Variants in RNF4 observed in about 807,000 individuals in gnomAD.
RNF4 encodes E3 ubiquitin-protein ligase RNF4.
Under a neutral mutation model 24.3 loss-of-function variants are expected in RNF4, and 7 were observed. The ratio of observed to expected loss-of-function variants is 0.29; its 90% CI spans 0.16 to 0.54. The LOEUF (loss-of-function observed/expected upper bound fraction) is 0.54. RNF4 is among the 20% of genes least tolerant of loss of function. The pLI is 0.95. For synonymous variants in RNF4, 83 were observed against 84.3 expected, an observed-to-expected ratio of 0.98 and a Z score of 0.09; for missense variants, 209 against 248.5, an observed-to-expected ratio of 0.84 and a Z score of 1.07.
At chr4:2,489,542 G>A (rs1275841144) in intron 1 of RNF4, among the ~76,000 whole-genome samples, 3 of 152,156 alleles carry the variant, frequency 2.0e-5, no homozygotes, top group Non-Finnish European at 2.9e-5. Context: ...TGTGCTTAAC[G>A]AGCCCTCTGT....
intron 2 of RNF4, among the ~76,000 whole-genome samples, chr4:2,495,639 TGG>T (rs148112615): frequency 2.3e-5 from 3 of 132,750 alleles, no homozygotes; most frequent in African/African-American, 8.6e-5. Context: ...CTTTTTTTTT[TGG>T]GGGGGGGTGA....
rs764849350 is a variant in RNF4, at chr4:2,512,565, A to G, written c.342A>G (p.Arg114=). 1 of 1,613,916 alleles carries G rather than the reference A, an allele frequency of 6.2e-7. No individual in the cohort carries two copies. Among genetic ancestry groups the G allele is most frequent in the East Asian group, 2.2e-5 (1 of 44,888 alleles). The part of the protein sequence containing the change: ...RDVYVTTHTP[R]NARDEGATGL... ...TATATGTGACTACCCATACTCCCAGAAACGCCAGGGATGAGGGCGCTACAG... is the reference window on the plus strand; with the variant it reads ...TATATGTGACTACCCATACTCCCAGGAACGCCAGGGATGAGGGCGCTACAG... Residue 114 remains arginine, a synonymous_variant, in exon 6 of 8, where the codon AGA becomes AGG. Transcript: ENST00000314289. The surrounding 1 kb of genome is among the most constrained non-coding windows in gnomAD (Gnocchi z 4.1).
chr4:2,474,034 TC>T (rs1450917989), intron 1 of RNF4, among the ~76,000 whole-genome samples: 1 of 151,410 alleles, frequency 6.6e-6, no homozygotes, highest in African/African-American at 2.4e-5. Flanking sequence ...TGAGCCAAGA[TC>T]GGGCCACTGC....
At chr4:2,507,493 G>A (rs1736138026) in intron 4 of RNF4, among the ~76,000 whole-genome samples, 1 of 152,232 alleles carries the variant, frequency 6.6e-6, no homozygotes, top group Admixed American at 6.5e-5. Flanking sequence ...GTAGCCTTTT[G>A]TGTGCACAGT....
At position 2,497,184 on chromosome 4, in the gene RNF4, G is replaced by C. The variant is rs777682703; in HGVS notation, c.124+63G>C. 4.1e-5 allele frequency: 53 copies of C among 1,284,646 alleles called. No individual in the cohort carries two copies. The East Asian group carries it at 1.3e-3, about 32-fold the overall frequency. The allele number at this position is 1,284,646 out of a possible 1,614,324, so 79.6% of individuals were successfully genotyped here. ...AAGTGGAGAGAGAACACTGTACCAG[G>C]GTGAGCTAGTAGAAGGTGCTTTCAG... On this transcript the variant is annotated intron_variant, in intron 3 of 7. Transcript: ENST00000314289.
At chr4:2,491,750 AAG>A (rs899544873) in intron 2 of RNF4, among the ~76,000 whole-genome samples, 1 of 148,282 alleles carries the variant, frequency 6.7e-6, no homozygotes, top group African/African-American at 2.5e-5. Context: ...ATTTGTTTTT[AAG>A]AGACAGGGTC....
chr4:2,508,270 CA>C (rs1477493326), intron 4 of RNF4, among the ~76,000 whole-genome samples: 2 of 152,202 alleles, frequency 1.3e-5, no homozygotes, highest in Non-Finnish European at 2.9e-5. Context: ...AAAAGCCTCT[CA>C]AATAGATTAG....
intron 1 of RNF4, among the ~76,000 whole-genome samples, chr4:2,473,362 C>T (rs1734965327): frequency 6.6e-6 from 1 of 151,686 alleles, no homozygotes; most frequent in South Asian, 2.1e-4. Flanking sequence ...ACAGCCTGGG[C>T]AACAGTGAGA....
chr4:2,477,831 G>C (rs1735127230), intron 1 of RNF4, among the ~76,000 whole-genome samples: 1 of 152,198 alleles, frequency 6.6e-6, no homozygotes, highest in Admixed American at 6.5e-5. Context: ...TACCAGTAGA[G>C]TGCGATGCTG....
chr4:2,496,915 T>C (rs1735752575), intron 2 of RNF4, 92 bp from the exon 3 acceptor site: 2 of 874,808 alleles, frequency 2.3e-6, no homozygotes, highest in African/African-American at 3.4e-5. Context: ...GGCTTCTTAA[T>C]GAAGTGAACC....
chr4:2,481,883 A>AT (rs36024629), intron 1 of RNF4, among the ~76,000 whole-genome samples: 1 of 151,786 alleles, frequency 6.6e-6, no homozygotes, highest in Non-Finnish European at 1.5e-5. Flanking sequence ...AAGTTTTTGT[A>AT]TTTTTTTGTA....
intron 1 of RNF4, among the ~76,000 whole-genome samples, chr4:2,472,715 C>T (rs1254481919): frequency 6.6e-6 from 1 of 151,894 alleles, no homozygotes; most frequent in Non-Finnish European, 1.5e-5. Context: ...AATTAAAAAC[C>T]TCCTGAAAGG....
At chr4:2,504,406 G>A (rs1736004789) in intron 4 of RNF4, among the ~76,000 whole-genome samples, 1 of 152,160 alleles carries the variant, frequency 6.6e-6, no homozygotes, top group South Asian at 2.1e-4. Context: ...TGCTTGTCCA[G>A]TGGTGTCTCA....
chr4:2,502,306 C>T (rs916462722), intron 4 of RNF4, among the ~76,000 whole-genome samples: 8 of 152,186 alleles, frequency 5.3e-5, no homozygotes. Context: ...ATTTTGACTG[C>T]AGGAAGACAA....
chr4:2,475,310 C>T lies in RNF4; in HGVS notation c.-158+6052C>T, dbSNP rs182895513. ...CCTCCCAAGTAGCTGGGGCTACAGG[C>T]GCACGCCACCGCACCTGGCTTTTTG... On this transcript the variant is annotated intron_variant, in intron 1 of 7. Coordinates refer to ENST00000314289, the MANE Select transcript of RNF4 (RefSeq NM_002938.5). 4.0e-3 allele frequency among the ~76,000 whole-genome samples: 607 copies of T among 151,990 alleles called. 7 individuals carry two copies. In the Middle Eastern group the frequency reaches 0.044, roughly 11 times the overall value.
chr4:2,493,185 G>C (rs1735630596), intron 2 of RNF4, among the ~76,000 whole-genome samples: 1 of 152,126 alleles, frequency 6.6e-6, no homozygotes, highest in Non-Finnish European at 1.5e-5. Context: ...GATGTCCTCA[G>C]GAAGGAGGTG....
chr4:2,500,795 C>T (rs777372357), intron 4 of RNF4, 57 bp downstream of exon 4: 1 of 1,531,424 alleles, frequency 6.5e-7, no homozygotes, highest in Non-Finnish European at 9.0e-7. Flanking sequence ...CTGGCCAGTG[C>T]CAGCATCTGA....
In RNF4 at chr4:2,475,443, A is replaced by G. The variant is rs61790176; in HGVS notation, c.-158+6185A>G. 8.1e-3 allele frequency among the ~76,000 whole-genome samples: 1,240 copies of G among 152,202 alleles called. 8 individuals are homozygous for G. Among genetic ancestry groups the G allele is most frequent in the Non-Finnish European group, 0.012 (820 of 68,022 alleles). On this transcript the variant is annotated intron_variant, in intron 1 of 7. Coordinates refer to ENST00000314289, the MANE Select transcript of RNF4 (RefSeq NM_002938.5). ...AAGCTCCGCCTCCCAGGTTCACGCC[A>G]TTCTCCTGCCTCAGCCTCCCGGGTA... is the stretch of plus-strand genomic sequence containing the variant.
intron 1 of RNF4, among the ~76,000 whole-genome samples, chr4:2,487,379 G>A (rs569981342): frequency 1.2e-4 from 18 of 152,224 alleles, no homozygotes; most frequent in Admixed American, 1.0e-3. Context: ...TCCGCCTCCC[G>A]GGTTCAAGTG....
Sources: gnomAD v4.1 joint callset for allele counts (sites outside exome capture counted in the v4.1 genomes callset) on GRCh38, gnomAD v4.1.1 for gene constraint, Gnocchi (gnomAD v3.1) non-coding constraint, MANE v1.5 for transcripts, NCBI Gene and HGNC (gene_info 2026-07-23, HGNC 2026-07-21) for gene names.